The following COLEC12 variants were observed in gnomAD, a reference collection of about 807,000 sequenced individuals.
COLEC12 encodes the protein collectin-12.
A neutral mutation model predicts 71.1 loss-of-function variants in COLEC12; 33 were observed. That is an observed-to-expected ratio of 0.46 (90% confidence interval 0.35 to 0.62). The LOEUF (loss-of-function observed/expected upper bound fraction) is 0.62, where lower values mean the gene tolerates loss of function less well. COLEC12 is among the 20% of genes least tolerant of loss of function. COLEC12 has a pLI of 0.00. For missense variants in COLEC12, 765 were observed against 916.1 expected (o/e 0.84, Z 2.13); for synonymous variants, 350 against 353.0 (o/e 0.99, Z 0.10).
At chr18:445,149 T>C (rs1158545450) in intron 2 of COLEC12, among the ~76,000 whole-genome samples, 2 of 152,300 alleles carry the variant, frequency 1.3e-5, no homozygotes, top group African/African-American at 2.4e-5. Flanking sequence ...GTAATTTTCA[T>C]ACGGAGAACT....
chr18:432,419 T>C (rs1916322006), intron 2 of COLEC12, among the ~76,000 whole-genome samples: 1 of 152,078 alleles, frequency 6.6e-6, no homozygotes, highest in African/African-American at 2.4e-5. Flanking sequence ...GCCACTAACC[T>C]GGCTACAAAA....
chr18:334,744 T>C lies in COLEC12; in HGVS notation c.1814A>G (p.Asn605Ser). The change falls in exon 6 of 10, where the codon AAT (asparagine) becomes AGT (serine). Residue 605 changes from asparagine to serine, a missense_variant and splice_region_variant. By Grantham distance (46) the Asn-to-Ser change is conservative. Coordinates refer to ENST00000400256, the MANE Select transcript of COLEC12 (RefSeq NM_130386.3). Reference sequence around the variant, plus strand: ...CTGGAGGGAGGGCTTGGACTTACCATTGTCCTCCGGTGCTGGGGTTGGCTC... The same window carrying C: ...CTGGAGGGAGGGCTTGGACTTACCACTGTCCTCCGGTGCTGGGGTTGGCTC... ...QNEPTPAPED[N>S]GCPPHWKNFT... is the part of the protein sequence containing the mutation. The C allele has an allele frequency of 6.8e-7, 1 of 1,467,476 alleles. No homozygotes were observed. The highest frequency in any genetic ancestry group is 9.0e-7 in the Non-Finnish European group (1 of 1,114,212). 90.9% of individuals were successfully genotyped at this position (1,467,476 alleles called of 1,614,324 possible). A position where few individuals can be genotyped will look rare whatever the true frequency, so the allele number is the denominator to read the frequency against.
chr18:369,449 G>GGT (rs1914951527), intron 2 of COLEC12, among the ~76,000 whole-genome samples: 1 of 131,804 alleles, frequency 7.6e-6, no homozygotes. Context: ...TTGGAATAAT[G>GGT]TTTTTTTTTT....
At chr18:476,477 T>C (rs4798235) in intron 2 of COLEC12, among the ~76,000 whole-genome samples, 7,066 of 152,314 alleles carry the variant, frequency 0.046, 234 homozygotes, top group Admixed American at 0.12. Context: ...ATCTCTTGCT[T>C]CTCCATCATC....
At chr18:466,543 C>T (rs1339152941) in intron 2 of COLEC12, among the ~76,000 whole-genome samples, 1 of 152,178 alleles carries the variant, frequency 6.6e-6, no homozygotes, top group Non-Finnish European at 1.5e-5. Flanking sequence ...TTTTAGCCCA[C>T]ACACAGGCAC....
intron 2 of COLEC12, among the ~76,000 whole-genome samples, chr18:411,972 T>G (rs764941036): frequency 6.6e-6 from 1 of 152,172 alleles, no homozygotes; most frequent in Admixed American, 6.5e-5. Flanking sequence ...ATTTGTGGAC[T>G]ATAACAAAAA....
chr18:357,312 C>T lies in COLEC12; in HGVS notation c.181+88G>A, dbSNP rs921439637. 27 of 1,277,222 alleles carry T rather than the reference C, an allele frequency of 2.1e-5. No homozygotes were observed. The African/African-American group carries it at 3.8e-4, about 18-fold the overall frequency. The allele number at this position is 1,277,222 out of a possible 1,614,324, so 79.1% of individuals were successfully genotyped here. A position where few individuals can be genotyped will look rare whatever the true frequency, so the allele number is the denominator to read the frequency against. ...GCATCTGAGTTGTATGAATGAAATA[C>T]TTCGTATTTGCAAATATGAGTTTTC... On this transcript the variant is annotated intron_variant, in intron 3 of 9. Coordinates refer to ENST00000400256, the MANE Select transcript of COLEC12 (RefSeq NM_130386.3).
intron 2 of COLEC12, among the ~76,000 whole-genome samples, chr18:367,868 T>A (rs1914889753): frequency 6.6e-6 from 1 of 152,090 alleles, no homozygotes; most frequent in African/African-American, 2.4e-5. Flanking sequence ...GGCAAGAGGA[T>A]CCCTGAGGCC....
At chr18:499,438 T>C (rs1299289719) in intron 1 of COLEC12, among the ~76,000 whole-genome samples, 1 of 152,176 alleles carries the variant, frequency 6.6e-6, no homozygotes, top group Admixed American at 6.5e-5. Context: ...AGCCAAAAGT[T>C]ACTTTCCAAG....
At chr18:456,064 G>A (rs191417416) in intron 2 of COLEC12, among the ~76,000 whole-genome samples, 52 of 152,326 alleles carry the variant, frequency 3.4e-4, no homozygotes, top group African/African-American at 1.1e-3. Context: ...GACAAAGCAC[G>A]TGGTGGGAGG....
chr18:441,103 C>T (rs78680383), intron 2 of COLEC12, among the ~76,000 whole-genome samples: 110,384 of 124,420 alleles, frequency 0.89, 49,821 homozygotes, highest in East Asian at 1. Context: ...AAAAAATTGG[C>T]CAGGCGTGGT....
At chr18:469,283 G>A (rs1184015375) in intron 2 of COLEC12, among the ~76,000 whole-genome samples, 1 of 152,276 alleles carries the variant, frequency 6.6e-6, no homozygotes, top group Non-Finnish European at 1.5e-5. Context: ...CTGGCACGTA[G>A]TGCCCTCTAT....
At chr18:340,353 C>A (rs1049944450) in intron 5 of COLEC12, among the ~76,000 whole-genome samples, 4 of 152,112 alleles carry the variant, frequency 2.6e-5, no homozygotes, top group Admixed American at 1.3e-4. Context: ...ATGAACAATA[C>A]CAGAGCTCCA....
intron 7 of COLEC12, among the ~76,000 whole-genome samples, chr18:332,663 C>G (rs1174477043): frequency 6.6e-6 from 1 of 152,108 alleles, no homozygotes. Flanking sequence ...TCCCTTGCAC[C>G]CCACTCCATC....
chr18:460,003 T>G (rs1916946829), intron 2 of COLEC12, among the ~76,000 whole-genome samples: 1 of 151,170 alleles, frequency 6.6e-6, no homozygotes, highest in Non-Finnish European at 1.5e-5. Flanking sequence ...GATGACTGAT[T>G]AGCTTGCCGA....
At chr18:378,699 G>T (rs905247466) in intron 2 of COLEC12, among the ~76,000 whole-genome samples, 1 of 152,076 alleles carries the variant, frequency 6.6e-6, no homozygotes, top group South Asian at 2.1e-4. Context: ...AGTGCCAAAG[G>T]GTCTACTAGG....
chr18:390,474 A>G (rs536987589), intron 2 of COLEC12, among the ~76,000 whole-genome samples: 85 of 152,324 alleles, frequency 5.6e-4, no homozygotes, highest in African/African-American at 2.0e-3. Context: ...TAAAAAGATA[A>G]CAGAGGGTCA....
intron 3 of COLEC12, among the ~76,000 whole-genome samples, chr18:351,824 T>G (rs1224788540): frequency 6.6e-6 from 1 of 152,248 alleles, no homozygotes; most frequent in African/African-American, 2.4e-5. Context: ...CATGTTCGTG[T>G]GCTGCACCCA....
chr18:357,279 G>T, intron 3 of COLEC12, 121 bp downstream of exon 3: 2 of 900,070 alleles, frequency 2.2e-6, no homozygotes, highest in Non-Finnish European at 3.4e-6. Flanking sequence ...TTATCATGTT[G>T]TTATTTTGCA....
Sources: allele counts gnomAD v4.1 joint callset (sites outside exome capture counted in the v4.1 genomes callset), GRCh38; gene constraint gnomAD v4.1.1; transcripts MANE v1.5; gene names NCBI Gene and HGNC (gene_info 2026-07-23, HGNC 2026-07-21).